The following SAMD4B variants were observed in gnomAD, a reference collection of about 807,000 sequenced individuals.
The protein encoded by SAMD4B is sterile alpha motif domain containing 4B, also known as protein Smaug homolog 2.
Under a neutral mutation model 74.5 loss-of-function variants are expected in SAMD4B, and 5 were observed. That is an observed-to-expected ratio of 0.07 (90% CI 0.04 to 0.14). The LOEUF (loss-of-function observed/expected upper bound fraction) is 0.14. Among genes scored for constraint, SAMD4B ranks in the 10% least tolerant of loss-of-function variants. SAMD4B has a pLI of 1.00. For synonymous variants in SAMD4B, 373 were observed against 374.9 expected (o/e 1.00, Z 0.06); for missense variants, 608 against 921.8 (o/e 0.66, Z 4.41).
chr19:39,353,623 A>G (rs1286813417), intron 1 of SAMD4B, among the ~76,000 whole-genome samples: 1 of 152,072 alleles, frequency 6.6e-6, no homozygotes, highest in East Asian at 1.9e-4. Flanking sequence ...TCTTTTTGAG[A>G]TGGAATCCCG....
intron 3 of SAMD4B, among the ~76,000 whole-genome samples, chr19:39,363,799 CAG>C (rs1368876565): frequency 1.3e-5 from 2 of 152,228 alleles, no homozygotes; most frequent in Non-Finnish European, 1.5e-5. Flanking sequence ...GGACCTGAGA[CAG>C]AGTACACCAC....
intron 3 of SAMD4B, 35 bp downstream of exon 3, chr19:39,357,124 G>A: frequency 6.5e-7 from 1 of 1,547,856 alleles, no homozygotes; most frequent in Non-Finnish European, 8.8e-7. Context: ...GAGCACAGCA[G>A]GAGGGAGACC....
chr19:39,368,947 C>T (rs183925750), intron 3 of SAMD4B, among the ~76,000 whole-genome samples: 2 of 152,198 alleles, frequency 1.3e-5, no homozygotes, highest in Non-Finnish European at 2.9e-5. Context: ...ACTGCCTTCT[C>T]CATTCAGGAA....
chr19:39,366,230 C>T (rs577172336), intron 3 of SAMD4B, among the ~76,000 whole-genome samples: 1 of 152,090 alleles, frequency 6.6e-6, no homozygotes, highest in East Asian at 1.9e-4. Context: ...GCAGGAGAAT[C>T]GCTTGAACCC....
chr19:39,376,770 C>A lies in SAMD4B; in HGVS notation c.1083C>A (p.Ser361Arg). Residue 361 changes from serine to arginine, a missense_variant, in exon 7 of 14, where the codon AGC becomes AGA. By Grantham distance (110) the Ser-to-Arg change is moderately radical (BLOSUM62 -1). Coordinates refer to ENST00000610417, the MANE Select transcript of SAMD4B (RefSeq NM_001384574.2). Reference sequence around the variant, plus strand: ...TCCAGAAGCTGCGTGAGAGACAGAGCGTCCTCAAGTCCCTAGAGAAGGTGA... The same window carrying A: ...TCCAGAAGCTGCGTGAGAGACAGAGAGTCCTCAAGTCCCTAGAGAAGGTGA... The part of the protein sequence containing the change: ...LSIQKLRERQ[S>R]VLKSLEKDVL... 1.9e-6 allele frequency: 3 copies of A among 1,614,112 alleles called. No individual in the cohort carries two copies. The highest frequency in any genetic ancestry group is 1.7e-6 in the Non-Finnish European group (2 of 1,179,968).
rs558252878 is a variant in SAMD4B at position 39,364,544 on chromosome 19, C to A, written c.197-5111C>A. On this transcript the variant is annotated intron_variant, in intron 3 of 13. Coordinates refer to ENST00000610417, the MANE Select transcript of SAMD4B (RefSeq NM_001384574.2). ...GTGTGTTTTTGACTGGGGTGCATAT[C>A]CTTGACTTATTTTTATTTTTTTTTA... Among the ~76,000 whole-genome samples, 3 of 152,284 alleles carry A rather than the reference C, an allele frequency of 2.0e-5. No homozygotes were observed. The East Asian group carries it at 5.8e-4, about 29-fold the overall frequency.
intron 9 of SAMD4B, among the ~76,000 whole-genome samples, chr19:39,379,056 CTT>C (rs749806552): frequency 7.8e-5 from 11 of 140,382 alleles, no homozygotes; most frequent in Admixed American, 1.4e-4. Flanking sequence ...CTCTCTCTCT[CTT>C]TTTTTTTTTT....
intron 12 of SAMD4B, among the ~76,000 whole-genome samples, chr19:39,381,701 T>A (rs1037607216): frequency 6.6e-6 from 1 of 152,148 alleles, no homozygotes; most frequent in African/African-American, 2.4e-5. Context: ...TCAGCACTTT[T>A]GGGAAGCTGA....
chr19:39,371,203 A>G (rs956942722), intron 4 of SAMD4B, among the ~76,000 whole-genome samples: 2 of 152,242 alleles, frequency 1.3e-5, no homozygotes, highest in African/African-American at 4.8e-5. Flanking sequence ...ACTGGTTTAA[A>G]GCAAGACAAG....
downstream of SAMD4B, chr19:39,385,802 C>T (rs996075232): frequency 4.9e-6 from 4 of 812,130 alleles, no homozygotes; most frequent in Admixed American, 5.8e-5. Context: ...CTGGGGGTTG[C>T]GGGAGGTATG....
intron 3 of SAMD4B, among the ~76,000 whole-genome samples, chr19:39,366,562 G>A (rs2076974600): frequency 6.6e-6 from 1 of 152,204 alleles, no homozygotes; most frequent in Admixed American, 6.5e-5. Flanking sequence ...TTTATAGCCA[G>A]GAGTTAGGAA....
At chr19:39,389,931 A>C, downstream of SAMD4B, 1 of 1,088,272 alleles carries the variant, frequency 9.2e-7, no homozygotes, top group Non-Finnish European at 1.4e-6. The surrounding 1 kb of genome is among the most constrained non-coding windows in gnomAD (Gnocchi z 5.3). Flanking sequence ...TGCTTGCTCC[A>C]TTAACAATTG....
intron 3 of SAMD4B, among the ~76,000 whole-genome samples, chr19:39,366,333 T>C (rs1479887798): frequency 6.6e-6 from 1 of 150,750 alleles, no homozygotes; most frequent in Non-Finnish European, 1.5e-5. Context: ...TAGCCAGGCA[T>C]GGTGGTGCAC....
chr19:39,390,166 G>A, downstream of SAMD4B: 1 of 1,613,548 alleles, frequency 6.2e-7, no homozygotes, highest in Non-Finnish European at 8.5e-7. Flanking sequence ...CCAGACCTAG[G>A]AACATTAGTG....
Position 39,346,164 on chromosome 19 carries a change from G to A in SAMD4B, c.-267+3588G>A, listed in dbSNP as rs1352916939. Among the ~76,000 whole-genome samples, 5 of 152,284 alleles carry A rather than the reference G, an allele frequency of 3.3e-5. No homozygotes were observed. In the East Asian group the frequency reaches 9.6e-4, roughly 29 times the overall value. ...TGCCTTCAGGGAGCTCACAATACCA[G>A]TAGGGGGCTTGGGCATGTACAGAGC... On this transcript the variant is annotated intron_variant, in intron 1 of 13. Coordinates refer to ENST00000610417, the MANE Select transcript of SAMD4B (RefSeq NM_001384574.2).
At chr19:39,390,650 GCAC>G (rs1378514390), downstream of SAMD4B, among the ~76,000 whole-genome samples, 1 of 152,176 alleles carries the variant, frequency 6.6e-6, no homozygotes, top group Non-Finnish European at 1.5e-5. Context: ...TCCCTGAACT[GCAC>G]GGCGGGGAGG....
At chr19:39,379,352 C>T (rs2077810055) in intron 9 of SAMD4B, among the ~76,000 whole-genome samples, 1 of 152,206 alleles carries the variant, frequency 6.6e-6, no homozygotes, top group South Asian at 2.1e-4. Flanking sequence ...CCTCACCCCT[C>T]AGCTGTCAGT....
At chr19:39,380,884 G>T in intron 11 of SAMD4B, 99 bp downstream of exon 11, 2 of 1,516,076 alleles carry the variant, frequency 1.3e-6, no homozygotes, top group Non-Finnish European at 1.8e-6. Context: ...ACCCAGCTTA[G>T]AGGTGGCGGG....
downstream of SAMD4B, chr19:39,386,195 G>A (rs754701850): frequency 1.7e-5 from 28 of 1,613,956 alleles, no homozygotes; most frequent in East Asian, 4.5e-5. This position sits in a 1 kb window ranked among gnomAD's most constrained non-coding sequence, Gnocchi z 6.1. Context: ...CATCAGAGTC[G>A]GCATCGTCCT....
Sources: allele counts gnomAD v4.1 joint callset (sites outside exome capture counted in the v4.1 genomes callset), GRCh38; gene constraint gnomAD v4.1.1; non-coding constraint Gnocchi (gnomAD v3.1); transcripts MANE v1.5; gene names NCBI Gene and HGNC (gene_info 2026-07-23, HGNC 2026-07-21).